CPNE4: variants seen among roughly 807,000 people sequenced by gnomAD.
The protein encoded by CPNE4 is copine-4.
Under a neutral mutation model 67.9 loss-of-function variants are expected in CPNE4, and 25 were observed. The ratio of observed to expected loss-of-function variants is 0.37; its 90% CI spans 0.27 to 0.51. CPNE4 has a LOEUF of 0.51. Among genes scored for constraint, CPNE4 ranks in the 20% least tolerant of loss-of-function variants. The pLI, the probability that CPNE4 is intolerant of heterozygous loss-of-function variation, is 0.93. For synonymous variants in CPNE4, 242 were observed against 244.9 expected, an observed-to-expected ratio of 0.99 and a Z score of 0.11; for missense variants, 464 against 690.8, an observed-to-expected ratio of 0.67 and a Z score of 3.68.
chr3:131,781,714 C>G (rs929521159), intron 2 of CPNE4, among the ~76,000 whole-genome samples: 1 of 152,130 alleles, frequency 6.6e-6, no homozygotes, highest in Non-Finnish European at 1.5e-5. Context: ...GTATTAAATA[C>G]ACTATCTTAC....
At chr3:131,771,699 C>T (rs1438310425) in intron 2 of CPNE4, among the ~76,000 whole-genome samples, 1 of 152,076 alleles carries the variant, frequency 6.6e-6, no homozygotes, top group Non-Finnish European at 1.5e-5. Flanking sequence ...AGTTACCCAG[C>T]CTCAGGTATT....
At chr3:131,890,795 C>A (rs1226735819) in intron 2 of CPNE4, among the ~76,000 whole-genome samples, 1 of 152,026 alleles carries the variant, frequency 6.6e-6, no homozygotes, top group Non-Finnish European at 1.5e-5. Context: ...TTATTTGCAT[C>A]TGGAAGACAT....
chr3:131,764,933 A>C (rs1007618680), intron 2 of CPNE4, among the ~76,000 whole-genome samples: 74 of 152,128 alleles, frequency 4.9e-4, no homozygotes, highest in African/African-American at 1.7e-3. Context: ...CTCCATCCAG[A>C]AAAGGCCCTC....
intron 2 of CPNE4, among the ~76,000 whole-genome samples, chr3:131,883,564 T>C (rs1348484197): frequency 6.6e-6 from 1 of 152,200 alleles, no homozygotes; most frequent in African/African-American, 2.4e-5. Flanking sequence ...GGCCTCCCAT[T>C]ACATATGGAA....
intron 2 of CPNE4, among the ~76,000 whole-genome samples, chr3:131,872,811 AC>A (rs1560512969): frequency 6.6e-6 from 1 of 152,170 alleles, no homozygotes; most frequent in African/African-American, 2.4e-5. Flanking sequence ...TCTGGGAAAC[AC>A]CTTTAGCTAG....
intron 6 of CPNE4, among the ~76,000 whole-genome samples, chr3:131,677,558 G>GT (rs1264752324): frequency 6.6e-6 from 1 of 152,074 alleles, no homozygotes; most frequent in African/African-American, 2.4e-5. Flanking sequence ...GGTTTTTATA[G>GT]TTTTGGGTTT....
At chr3:131,642,136 C>T (rs543749424) in intron 7 of CPNE4, among the ~76,000 whole-genome samples, 3 of 152,048 alleles carry the variant, frequency 2.0e-5, no homozygotes, top group African/African-American at 7.3e-5. Context: ...CAAATGCCAG[C>T]TGTTCCCCCA....
intron 1 of CPNE4, among the ~76,000 whole-genome samples, chr3:131,915,217 T>C (rs1484605515): frequency 6.6e-6 from 1 of 152,174 alleles, no homozygotes; most frequent in Non-Finnish European, 1.5e-5. Flanking sequence ...TCTTATAAGA[T>C]GATTTGTAAT....
At chr3:131,888,848 C>A (rs2107736302) in intron 2 of CPNE4, among the ~76,000 whole-genome samples, 1 of 152,262 alleles carries the variant, frequency 6.6e-6, no homozygotes, top group South Asian at 2.1e-4. Context: ...AGAAACTTGG[C>A]AGACACTTAG....
At chr3:131,550,643 G>GA (rs1229472221) in intron 13 of CPNE4, among the ~76,000 whole-genome samples, 1 of 152,086 alleles carries the variant, frequency 6.6e-6, no homozygotes, top group Non-Finnish European at 1.5e-5. Flanking sequence ...CTGCGGGCAG[G>GA]AATCATGACT....
At chr3:131,847,127 T>A (rs1560454327) in intron 2 of CPNE4, among the ~76,000 whole-genome samples, 1 of 152,226 alleles carries the variant, frequency 6.6e-6, no homozygotes, top group Non-Finnish European at 1.5e-5. Context: ...GGCTGGCTCC[T>A]CACAGGTGTG....
chr3:131,879,451 CA>C (rs2087583044), intron 2 of CPNE4, among the ~76,000 whole-genome samples: 1 of 152,140 alleles, frequency 6.6e-6, no homozygotes. Context: ...AATGCTGGCA[CA>C]TAAGCAATCT....
At chr3:131,596,237 G>T (rs1057246815) in intron 7 of CPNE4, among the ~76,000 whole-genome samples, 10 of 152,184 alleles carry the variant, frequency 6.6e-5, no homozygotes, top group Non-Finnish European at 1.0e-4. Flanking sequence ...TGGTATCACA[G>T]GTGTCTGCGT....
chr3:131,763,499 A>G (rs939527603), intron 2 of CPNE4, among the ~76,000 whole-genome samples: 1 of 152,148 alleles, frequency 6.6e-6, no homozygotes, highest in African/African-American at 2.4e-5. Flanking sequence ...AACATAGCAC[A>G]TAAGTGGCTA....
At chr3:131,794,240 AC>A (rs1031916076) in intron 2 of CPNE4, among the ~76,000 whole-genome samples, 3 of 139,570 alleles carry the variant, frequency 2.1e-5, no homozygotes, top group African/African-American at 8.6e-5. Context: ...TTTGGAAACA[AC>A]TTTTTTTTTT....
intron 7 of CPNE4, among the ~76,000 whole-genome samples, chr3:131,656,022 G>A (rs1006173369): frequency 1.6e-4 from 24 of 149,062 alleles, no homozygotes; most frequent in African/African-American, 5.9e-4. Context: ...AAGCTATGCT[G>A]TGAGAACCAG....
At chr3:131,763,553 G>A (rs1223760418) in intron 2 of CPNE4, among the ~76,000 whole-genome samples, 1 of 152,094 alleles carries the variant, frequency 6.6e-6, no homozygotes, top group Non-Finnish European at 1.5e-5. Flanking sequence ...CTAATGAGGA[G>A]ATTATGATGG....
chr3:131,650,075 T>C (rs1446491415), intron 7 of CPNE4, among the ~76,000 whole-genome samples: 2 of 152,166 alleles, frequency 1.3e-5, no homozygotes, highest in African/African-American at 2.4e-5. Flanking sequence ...ACAGAGTCTC[T>C]GTTGCTTGGA....
chr3:131,893,988 CT>C (rs1393437751), intron 2 of CPNE4, among the ~76,000 whole-genome samples: 3 of 151,430 alleles, frequency 2.0e-5, no homozygotes, highest in Non-Finnish European at 4.4e-5. Flanking sequence ...AATATATAGA[CT>C]ACAAAAAAAA....
Sources: allele counts gnomAD v4.1 joint callset (sites outside exome capture counted in the v4.1 genomes callset), GRCh38; gene constraint gnomAD v4.1.1; transcripts MANE v1.5; gene names NCBI Gene and HGNC (gene_info 2026-07-23, HGNC 2026-07-21).